Variants in BMP6 observed in about 807,000 individuals in gnomAD.
BMP6 encodes the protein bone morphogenetic protein 6.
BMP6 carries 17 observed loss-of-function variants against 54.1 expected under a neutral mutation model. The observed-to-expected ratio is 0.31, with a 90% CI of 0.22 to 0.47. The LOEUF (loss-of-function observed/expected upper bound fraction) is 0.47. Among genes scored for constraint, BMP6 ranks in the 20% least tolerant of loss-of-function variants. The pLI is 1.00. For synonymous variants in BMP6, 328 were observed against 291.2 expected (o/e 1.13, Z -1.28); for missense variants, 720 against 690.4 (o/e 1.04, Z -0.48).
chr6:7,742,949 C>CA (rs1340732743), intron 1 of BMP6, among the ~76,000 whole-genome samples: 1 of 152,104 alleles, frequency 6.6e-6, no homozygotes, highest in Non-Finnish European at 1.5e-5. Context: ...CACTCCCTAC[C>CA]AGAGTATGTG....
At chr6:7,779,764 A>T (rs1481037298) in intron 1 of BMP6, among the ~76,000 whole-genome samples, 3 of 152,130 alleles carry the variant, frequency 2.0e-5, no homozygotes, top group Non-Finnish European at 4.4e-5. Flanking sequence ...TGAGGCCATT[A>T]TTCTTATTTT....
chr6:7,784,594 TA>T lies in BMP6; in HGVS notation c.664+56984del, dbSNP rs566933935. ...TCAGATATTTTTTCCAGAGTTGCTT[TA>T]AAAAAAAATTAACACATTTGGCAAA... On this transcript the variant is annotated intron_variant, in intron 1 of 6. Transcript: ENST00000283147. Among the ~76,000 whole-genome samples the T allele has an allele frequency of 5.7e-4, 87 of 151,990 alleles. No homozygotes were observed. In the South Asian group the frequency reaches 6.5e-3, roughly 11 times the overall value.
intron 1 of BMP6, among the ~76,000 whole-genome samples, chr6:7,760,761 C>A (rs1339989871): frequency 6.6e-6 from 1 of 152,180 alleles, no homozygotes; most frequent in Non-Finnish European, 1.5e-5. Context: ...AGCCACCGTG[C>A]CTGGCTGGAC....
intron 1 of BMP6, among the ~76,000 whole-genome samples, chr6:7,830,149 C>A (rs115049083): frequency 2.0e-5 from 3 of 152,016 alleles, no homozygotes; most frequent in African/African-American, 4.8e-5. Flanking sequence ...AAGAGCACCC[C>A]CCCTCTCTCT....
At chr6:7,730,098 C>G (rs978379652) in intron 1 of BMP6, among the ~76,000 whole-genome samples, 1 of 152,236 alleles carries the variant, frequency 6.6e-6, no homozygotes, top group East Asian at 1.9e-4. Flanking sequence ...GGGCCTAAGG[C>G]GAATTTGTAA....
At chr6:7,789,864 G>C (rs950456769) in intron 1 of BMP6, among the ~76,000 whole-genome samples, 1 of 152,144 alleles carries the variant, frequency 6.6e-6, no homozygotes, top group African/African-American at 2.4e-5. Flanking sequence ...CCTAGAGACA[G>C]GCAGCTTTTC....
At chr6:7,765,590 C>G (rs972331807) in intron 1 of BMP6, among the ~76,000 whole-genome samples, 2 of 152,242 alleles carry the variant, frequency 1.3e-5, no homozygotes, top group African/African-American at 4.8e-5. Flanking sequence ...CACCCTGATT[C>G]CTGCTTCTCT....
At chr6:7,732,491 C>T (rs1292929718) in intron 1 of BMP6, among the ~76,000 whole-genome samples, 1 of 152,178 alleles carries the variant, frequency 6.6e-6, no homozygotes, top group Non-Finnish European at 1.5e-5. Flanking sequence ...TGAGAGCTTA[C>T]CTCTGATCAG....
At position 7,805,137 on chromosome 6, in the gene BMP6, A is replaced by G. The variant is rs577643604; in HGVS notation, c.665-40003A>G. 3.9e-5 allele frequency among the ~76,000 whole-genome samples: 6 copies of G among 152,306 alleles called. No individual in the cohort carries two copies. In the East Asian group the frequency reaches 1.2e-3, roughly 29 times the overall value. On this transcript the variant is annotated intron_variant, in intron 1 of 6. Coordinates refer to ENST00000283147, the MANE Select transcript of BMP6 (RefSeq NM_001718.6). ...CATTTCAATGTTTTGTCCCTAGTCTACAGATTCTATTAGATCCAGTAGACA... is the reference window on the plus strand; with the variant it reads ...CATTTCAATGTTTTGTCCCTAGTCTGCAGATTCTATTAGATCCAGTAGACA...
At chr6:7,736,806 T>C (rs925695336) in intron 1 of BMP6, among the ~76,000 whole-genome samples, 4 of 152,200 alleles carry the variant, frequency 2.6e-5, no homozygotes. Context: ...AGTTACTCAT[T>C]GTAGTGGGGT....
At chr6:7,852,079 A>G (rs1286589360) in intron 2 of BMP6, among the ~76,000 whole-genome samples, 2 of 152,120 alleles carry the variant, frequency 1.3e-5, no homozygotes, top group African/African-American at 4.8e-5. Flanking sequence ...TTTTCTATTT[A>G]TGAAATTCTG....
chr6:7,845,343 TC>T lies in BMP6; in HGVS notation c.857+12del, dbSNP rs1363412315. On this transcript the variant is annotated intron_variant, in intron 2 of 6. Coordinates refer to ENST00000283147, the MANE Select transcript of BMP6 (RefSeq NM_001718.6). ...GGAGCATCAGCACAGGTATGAAGGC[TC>T]GAGAAAGCCCCAAAGGTGGGGCTGG... is the stretch of plus-strand genomic sequence containing the variant. The T allele has an allele frequency of 6.2e-7, 1 of 1,604,888 alleles. No homozygotes were observed. The highest frequency in any genetic ancestry group is 8.5e-7 in the Non-Finnish European group (1 of 1,174,522).
At chr6:7,803,096 G>A (rs1291850649) in intron 1 of BMP6, among the ~76,000 whole-genome samples, 1 of 152,120 alleles carries the variant, frequency 6.6e-6, no homozygotes, top group African/African-American at 2.4e-5. Flanking sequence ...AGGCTTGAAT[G>A]GGAAAATAGT....
chr6:7,868,879 T>A (rs567547413), intron 4 of BMP6, among the ~76,000 whole-genome samples: 1 of 152,104 alleles, frequency 6.6e-6, no homozygotes, highest in East Asian at 1.9e-4. Flanking sequence ...TCCCTCTCCC[T>A]CCCCACCTCT....
Position 7,880,629 on chromosome 6 carries a change from CCCCAAAA to C in BMP6, c.*287_*293del. On this transcript the variant is annotated 3_prime_UTR_variant, in exon 7 of 7. Transcript: ENST00000283147. Reference sequence around the variant, plus strand: ...CCGTGAAGCTCTTCCTACCCTCCTCCCCCAAAAACCCACCAAAATTAGTTTTAGCTGT... The same window carrying C: ...CCGTGAAGCTCTTCCTACCCTCCTCCACCCACCAAAATTAGTTTTAGCTGT... 1 of 433,862 alleles carries C rather than the reference CCCCAAAA, an allele frequency of 2.3e-6. No homozygotes were observed. 26.9% of individuals were successfully genotyped at this position (433,862 alleles called of 1,614,324 possible).
chr6:7,848,267 G>C (rs1759095580), intron 2 of BMP6, among the ~76,000 whole-genome samples: 1 of 152,194 alleles, frequency 6.6e-6, no homozygotes, highest in South Asian at 2.1e-4. Context: ...ATAAGTTGCT[G>C]ACTGCCCCAG....
rs1759046930 is a variant in BMP6, at chr6:7,845,420, A to G, written c.857+88A>G. 6.9e-6 allele frequency: 9 copies of G among 1,295,972 alleles called. No individual in the cohort carries two copies. In the South Asian group the frequency reaches 9.9e-5, roughly 14 times the overall value. 80.3% of individuals were successfully genotyped at this position (1,295,972 alleles called of 1,614,324 possible). On this transcript the variant is annotated intron_variant, in intron 2 of 6. Coordinates refer to ENST00000283147, the MANE Select transcript of BMP6 (RefSeq NM_001718.6). ...ACAATAACCCCAGCTATGTCTGTGC[A>G]GGGTGACCTGGAGTTCAGGGGCAGC...
chr6:7,772,162 A>G (rs1271293039), intron 1 of BMP6, among the ~76,000 whole-genome samples: 3 of 151,936 alleles, frequency 2.0e-5, no homozygotes, highest in African/African-American at 7.3e-5. Flanking sequence ...CCCTCCCTCT[A>G]TTTTACAGAC....
rs1561750558 is a variant in BMP6, at chr6:7,727,309, G to GCAGCAGCAT, written c.355_356insAGCAGCATC (p.Gln118_Leu119insGlnGlnHis). On this transcript the variant is annotated inframe_insertion, in exon 1 of 7. Transcript: ENST00000283147. ...AGGAGGAGCAGCAGCAGCAGCAGCA[G>GCAGCAGCAT]CTGCCTCGCGGAGAGCCCCCTCCCG... 29 of 1,608,254 alleles carry GCAGCAGCAT rather than the reference G, an allele frequency of 1.8e-5. No homozygotes were observed. The highest frequency in any genetic ancestry group is 2.4e-5 in the Non-Finnish European group (28 of 1,178,130).
Sources: gnomAD v4.1 joint callset for allele counts (sites outside exome capture counted in the v4.1 genomes callset) on GRCh38, gnomAD v4.1.1 for gene constraint, MANE v1.5 for transcripts, NCBI Gene and HGNC (gene_info 2026-07-23, HGNC 2026-07-21) for gene names.